Variants in KANK1 observed in about 807,000 individuals in gnomAD.
KANK1 encodes KN motif and ankyrin repeat domains 1, also known as KN motif and ankyrin repeat domain-containing protein 1.
In KANK1, 109 loss-of-function variants were observed where a neutral mutation model predicts 106.2. The ratio of observed to expected loss-of-function variants is 1.03; its 90% CI spans 0.88 to 1.20. The LOEUF is 1.20. Ranked by LOEUF, KANK1 falls within the 50% of genes most tolerant of loss-of-function variation. KANK1 has a pLI of 0.00. For missense variants in KANK1, 2,399 were observed against 1,710.7 expected (o/e 1.40, Z -7.10); for synonymous variants, 873 against 652.2 (o/e 1.34, Z -5.16).
intron 1 of KANK1, among the ~76,000 whole-genome samples, chr9:652,514 A>G (rs1841135107): frequency 6.6e-6 from 1 of 152,188 alleles, no homozygotes; most frequent in African/African-American, 2.4e-5. Context: ...CAAGAGCGAA[A>G]CTGTGTCTCA....
Position 635,439 on chromosome 9 carries a change from A to G in KANK1, c.-83-41451A>G, listed in dbSNP as rs561427779. Among the ~76,000 whole-genome samples the G allele has an allele frequency of 6.4e-4, 97 of 152,278 alleles. 1 individual carries two copies. The South Asian group carries it at 0.019, about 31-fold the overall frequency. On this transcript the variant is annotated intron_variant, in intron 1 of 11. Transcript: ENST00000382297. ...TCCTTCATGTGCTTCGTAGAGAACC[A>G]CAGACCCTGACTTTATTTGTGCAAA...
At chr9:624,192 C>T (rs1392970307) in intron 1 of KANK1, among the ~76,000 whole-genome samples, 1 of 151,990 alleles carries the variant, frequency 6.6e-6, no homozygotes, top group Non-Finnish European at 1.5e-5. Flanking sequence ...AATCCACAAG[C>T]CAAGAGTAGA....
At chr9:611,364 C>G (rs534018478) in intron 1 of KANK1, among the ~76,000 whole-genome samples, 5 of 152,304 alleles carry the variant, frequency 3.3e-5, no homozygotes, top group Admixed American at 3.3e-4. Context: ...GATGACTACA[C>G]TTATCTCCAG....
chr9:677,906 A>T (rs1223754991), intron 2 of KANK1, among the ~76,000 whole-genome samples: 3 of 152,194 alleles, frequency 2.0e-5, no homozygotes, highest in Admixed American at 2.0e-4. Flanking sequence ...ATTTCTCCAC[A>T]TGTAAACCAT....
intron 1 of KANK1, among the ~76,000 whole-genome samples, chr9:656,521 A>G (rs1842180941): frequency 6.6e-6 from 1 of 152,066 alleles, no homozygotes; most frequent in Admixed American, 6.5e-5. Context: ...TCAGTCTGTG[A>G]CCATACTGCT....
intron 1 of KANK1, among the ~76,000 whole-genome samples, chr9:654,163 A>G (rs1278091892): frequency 1.3e-5 from 2 of 152,322 alleles, no homozygotes; most frequent in Non-Finnish European, 2.9e-5. Context: ...CACACTGATG[A>G]CTGGACTTAC....
intron 1 of KANK1, among the ~76,000 whole-genome samples, chr9:550,626 C>T (rs1563754522): frequency 1.3e-5 from 2 of 152,126 alleles, no homozygotes. Context: ...AAAAACATTA[C>T]ACCATTGTCA....
chr9:636,826 T>A (rs565586804), intron 1 of KANK1, among the ~76,000 whole-genome samples: 1 of 152,142 alleles, frequency 6.6e-6, no homozygotes, highest in East Asian at 1.9e-4. Context: ...GAGATTGCCA[T>A]TGGACTCCAG....
intron 3 of KANK1, among the ~76,000 whole-genome samples, chr9:486,355 GTCATGATCA>G (rs1223191342): frequency 6.6e-6 from 1 of 152,108 alleles, no homozygotes; most frequent in African/African-American, 2.4e-5. Flanking sequence ...CATCATCGTC[GTCATGATCA>G]TCATCACCAT....
chr9:603,115 G>T lies in KANK1; in HGVS notation c.-83-73775G>T, dbSNP rs1158331596. Among the ~76,000 whole-genome samples, 3 of 151,808 alleles carry T rather than the reference G, an allele frequency of 2.0e-5. No individual in the cohort carries two copies. The East Asian group carries it at 5.8e-4, about 29-fold the overall frequency. On this transcript the variant is annotated intron_variant, in intron 1 of 11. Transcript: ENST00000382297. ...CTTTTGGAATATAGATCTAAGAGTA[G>T]ATTTATATCAGGATTTGAAAGATGA...
intron 2 of KANK1, among the ~76,000 whole-genome samples, chr9:709,863 C>T (rs1310510551): frequency 1.3e-5 from 2 of 152,090 alleles, no homozygotes; most frequent in Non-Finnish European, 2.9e-5. Context: ...GTGATCCACC[C>T]GCCTTGGCCT....
chr9:504,424 G>A (rs1203354740), upstream of KANK1, among the ~76,000 whole-genome samples: 2 of 151,854 alleles, frequency 1.3e-5, no homozygotes, highest in South Asian at 4.1e-4. Context: ...GCGCACTGAG[G>A]GCCGCCCGCG....
intron 1 of KANK1, among the ~76,000 whole-genome samples, chr9:596,741 G>C (rs953650459): frequency 6.6e-6 from 1 of 151,578 alleles, no homozygotes; most frequent in African/African-American, 2.4e-5. Flanking sequence ...TTTTTAATGA[G>C]ATGAAATTCA....
intron 3 of KANK1, among the ~76,000 whole-genome samples, chr9:724,295 G>C (rs1256404794): frequency 3.3e-5 from 5 of 152,176 alleles, no homozygotes; most frequent in Non-Finnish European, 7.3e-5. Flanking sequence ...TCCAGTGTGA[G>C]TGGGCAGAGG....
Position 575,505 on chromosome 9 carries a change from A to AG in KANK1, c.-84+70754dup, listed in dbSNP as rs1307127075. Reference sequence around the variant, plus strand: ...CAACATAGCAAGACCCTGTCTCTACAGGGAAAAAAAAAAAAAAAAAGCCAG... The same window carrying AG: ...CAACATAGCAAGACCCTGTCTCTACAGGGGAAAAAAAAAAAAAAAAAGCCAG... On this transcript the variant is annotated intron_variant, in intron 1 of 11. Coordinates refer to ENST00000382297, the MANE Select transcript of KANK1 (RefSeq NM_015158.5). Among the ~76,000 whole-genome samples, 17 of 72,858 alleles carry AG rather than the reference A, an allele frequency of 2.3e-4. No homozygotes were observed. In the East Asian group the frequency reaches 6.0e-3, roughly 26 times the overall value. 47.8% of individuals were successfully genotyped at this position (72,858 alleles called of 152,430 possible). A position where few individuals can be genotyped will look rare whatever the true frequency, so the allele number is the denominator to read the frequency against.
chr9:528,504 C>T (rs1174075510), intron 1 of KANK1, among the ~76,000 whole-genome samples: 5 of 97,436 alleles, frequency 5.1e-5, no homozygotes, highest in South Asian at 7.1e-4. Context: ...TTTTTTGAGA[C>T]GGAGTCTCAC....
Position 536,039 on chromosome 9 carries a change from A to G in KANK1, c.-84+31285A>G, listed in dbSNP as rs1217741162. Among the ~76,000 whole-genome samples the G allele has an allele frequency of 2.6e-5, 4 of 152,102 alleles. No individual in the cohort carries two copies. In the East Asian group the frequency reaches 7.7e-4, roughly 29 times the overall value. On this transcript the variant is annotated intron_variant, in intron 1 of 11. Coordinates refer to ENST00000382297, the MANE Select transcript of KANK1 (RefSeq NM_015158.5). Reference sequence around the variant, plus strand: ...TGCTGTAATAAAACCCACAAATTTCATGCTTAAAACAGCACGTGTGGGGCG... The same window carrying G: ...TGCTGTAATAAAACCCACAAATTTCGTGCTTAAAACAGCACGTGTGGGGCG...
chr9:676,959 G>T lies in KANK1; in HGVS notation c.-14G>T, dbSNP rs748895989. ...CTCACTCCTTTCTGGATCTCTCATT[G>T]GACTCAAGCCAGCATGGCTCACACC... is the stretch of plus-strand genomic sequence containing the variant. On this transcript the variant is annotated 5_prime_UTR_variant, in exon 2 of 12. Transcript: ENST00000382297. The T allele has an allele frequency of 6.2e-7, 1 of 1,612,778 alleles. No homozygotes were observed. The highest frequency in any genetic ancestry group is 1.1e-5 in the South Asian group (1 of 90,880).
At chr9:620,628 A>G (rs1832930536) in intron 1 of KANK1, among the ~76,000 whole-genome samples, 1 of 152,020 alleles carries the variant, frequency 6.6e-6, no homozygotes, top group African/African-American at 2.4e-5. Context: ...GCTGGTCTCA[A>G]ATGCCTGACC....
Sources: allele counts gnomAD v4.1 joint callset (sites outside exome capture counted in the v4.1 genomes callset), GRCh38; gene constraint gnomAD v4.1.1; transcripts MANE v1.5; gene names NCBI Gene and HGNC (gene_info 2026-07-23, HGNC 2026-07-21).